IGF1R: variants seen among roughly 807,000 people sequenced by gnomAD.
IGF1R encodes insulin-like growth factor 1 receptor.
A neutral mutation model predicts 144.6 loss-of-function variants in IGF1R; 44 were observed. That is an observed-to-expected ratio of 0.30 (90% confidence interval 0.24 to 0.39). The LOEUF is 0.39. Among genes scored for constraint, IGF1R ranks in the 10% least tolerant of loss-of-function variants. IGF1R has a pLI of 1.00. For missense variants in IGF1R, 1,355 were observed against 1,833.7 expected (o/e 0.74, Z 4.77); for synonymous variants, 795 against 722.8 (o/e 1.10, Z -1.60).
At chr15:98,817,666 T>C (rs1189715807) in intron 2 of IGF1R, among the ~76,000 whole-genome samples, 1 of 152,098 alleles carries the variant, frequency 6.6e-6, no homozygotes, top group African/African-American at 2.4e-5. Flanking sequence ...CTGAGAGTGA[T>C]TGTCAGCTCA....
chr15:98,835,865 G>A (rs2684772), intron 2 of IGF1R, among the ~76,000 whole-genome samples: 17,073 of 152,176 alleles, frequency 0.11, 2,182 homozygotes, highest in African/African-American at 0.31. Flanking sequence ...TTTGTTTTGG[G>A]CTCTAGCCAG....
chr15:98,778,754 G>A (rs1010181309), intron 2 of IGF1R, among the ~76,000 whole-genome samples: 1 of 152,226 alleles, frequency 6.6e-6, no homozygotes, highest in South Asian at 2.1e-4. Flanking sequence ...TGTCAGCCTG[G>A]TAGTGGTGCT....
At chr15:98,824,894 T>C (rs1473194950) in intron 2 of IGF1R, among the ~76,000 whole-genome samples, 1 of 152,078 alleles carries the variant, frequency 6.6e-6, no homozygotes, top group Non-Finnish European at 1.5e-5. Context: ...TGGAGTGTAC[T>C]GGCACAATCT....
In IGF1R at chr15:98,649,506, C is replaced by T. The variant is rs1383096551; in HGVS notation, c.-76C>T. The T allele has an allele frequency of 7.1e-5, 73 of 1,026,524 alleles. No individual in the cohort carries two copies. The Middle Eastern group carries it at 2.2e-3, about 31-fold the overall frequency. The allele number at this position is 1,026,524 out of a possible 1,614,324, so 63.6% of individuals were successfully genotyped here. On this transcript the variant is annotated 5_prime_UTR_variant, in exon 1 of 21. Coordinates refer to ENST00000650285, the MANE Select transcript of IGF1R (RefSeq NM_000875.5). ...GTTTGAGACTTGTTTCCTTTCATTT[C>T]CTTTTTTTCTTTTCTTTTCTTTTTT...
In IGF1R at chr15:98,694,041, T is replaced by G. The variant is rs542668878; in HGVS notation, c.95-13521T>G. ...GCTGCTTGGCAGCACCTGCCTCGTTTCTGGTGACCATTTGGAAATGTGTCC... is the reference window on the plus strand; with the variant it reads ...GCTGCTTGGCAGCACCTGCCTCGTTGCTGGTGACCATTTGGAAATGTGTCC... On this transcript the variant is annotated intron_variant, in intron 1 of 20. Transcript: ENST00000650285. Among the ~76,000 whole-genome samples, 9 of 152,368 alleles carry G rather than the reference T, an allele frequency of 5.9e-5. No individual in the cohort carries two copies. In the East Asian group the frequency reaches 1.5e-3, roughly 26 times the overall value.
At position 98,787,292 on chromosome 15, in the gene IGF1R, A is replaced by G. The variant is rs372660118; in HGVS notation, c.640+79185A>G. Among the ~76,000 whole-genome samples the G allele has an allele frequency of 2.3e-3, 356 of 152,346 alleles. 1 individual carries two copies. The highest frequency in any genetic ancestry group is 8.2e-3 in the African/African-American group (341 of 41,588). On this transcript the variant is annotated intron_variant, in intron 2 of 20. Coordinates refer to ENST00000650285, the MANE Select transcript of IGF1R (RefSeq NM_000875.5). ...GCCAACCTGACTTTTGTTCATGACT[A>G]TATTAGGGGCATGGATAGAAAGTGC...
At chr15:98,697,695 A>G (rs1357673189) in intron 1 of IGF1R, among the ~76,000 whole-genome samples, 1 of 79,710 alleles carries the variant, frequency 1.3e-5, no homozygotes, top group Non-Finnish European at 2.4e-5. Context: ...CTTTCCCTCT[A>G]TACTTAAATT....
In IGF1R at chr15:98,823,180, A is replaced by G. The variant is rs79826452; in HGVS notation, c.641-68145A>G. ...AAACACAAAGGACATTTGACACTTC[A>G]TGACTACATAAGATGTGCTGTTCCT... On this transcript the variant is annotated intron_variant, in intron 2 of 20. Coordinates refer to ENST00000650285, the MANE Select transcript of IGF1R (RefSeq NM_000875.5). Among the ~76,000 whole-genome samples, 789 of 152,358 alleles carry G rather than the reference A, an allele frequency of 5.2e-3. 59 individuals carry two copies. In the East Asian group the frequency reaches 0.13, roughly 26 times the overall value.
intron 2 of IGF1R, among the ~76,000 whole-genome samples, chr15:98,765,707 A>G (rs996322841): frequency 5.9e-5 from 9 of 152,108 alleles, no homozygotes; most frequent in African/African-American, 1.9e-4. Flanking sequence ...AAAATATTCA[A>G]AACTTACCAG....
chr15:98,826,746 ATTACCTACT>A (rs1385296957), intron 2 of IGF1R, among the ~76,000 whole-genome samples: 1 of 152,228 alleles, frequency 6.6e-6, no homozygotes, highest in Non-Finnish European at 1.5e-5. Context: ...TTACTGTAAC[ATTACCTACT>A]TTAGCTCTGT....
intron 10 of IGF1R, among the ~76,000 whole-genome samples, chr15:98,917,574 G>C (rs2015308846): frequency 6.6e-6 from 1 of 152,192 alleles, no homozygotes; most frequent in African/African-American, 2.4e-5. Flanking sequence ...GCCAAATCTG[G>C]AAACCCAGTG....
intron 5 of IGF1R, among the ~76,000 whole-genome samples, chr15:98,906,327 C>G (rs28633745): frequency 0.023 from 3,503 of 151,716 alleles, 143 homozygotes; most frequent in African/African-American, 0.081. Flanking sequence ...ATTAATTGGT[C>G]CTTACCGGCA....
intron 2 of IGF1R, among the ~76,000 whole-genome samples, chr15:98,753,856 G>C (rs2055083178): frequency 6.6e-6 from 1 of 152,152 alleles, no homozygotes; most frequent in African/African-American, 2.4e-5. Flanking sequence ...TTCTATAACA[G>C]AGAAAGGATA....
At position 98,963,814 on chromosome 15, in the gene IGF1R, CTA is replaced by C. The variant is rs1285292933; in HGVS notation, c.*6375_*6376del. On this transcript the variant is annotated 3_prime_UTR_variant, in exon 21 of 21. Coordinates refer to ENST00000650285, the MANE Select transcript of IGF1R (RefSeq NM_000875.5). The stretch of plus-strand genomic sequence containing the variant: ...TACAGAAAAGAATTTTTAATAAAAA[CTA>C]TAACATACACAAAAATTGGTTTTAA... 2 of 232,844 alleles carry C rather than the reference CTA, an allele frequency of 8.6e-6. No individual in the cohort carries two copies. Among genetic ancestry groups the C allele is most frequent in the Non-Finnish European group, 1.7e-5 (2 of 117,856 alleles). 14.4% of individuals were successfully genotyped at this position (232,844 alleles called of 1,614,324 possible).
chr15:98,669,375 T>A lies in IGF1R; in HGVS notation c.94+19700T>A, dbSNP rs142535519. 7.1e-3 allele frequency among the ~76,000 whole-genome samples: 1,078 copies of A among 152,334 alleles called. 18 individuals are homozygous for A. The highest frequency in any genetic ancestry group is 0.025 in the African/African-American group (1,029 of 41,574). ...ATGAACTCCACCCCAATTACCTGTT[T>A]GAATTTTGCATGCCAGTTATTTTCA... On this transcript the variant is annotated intron_variant, in intron 1 of 20. Coordinates refer to ENST00000650285, the MANE Select transcript of IGF1R (RefSeq NM_000875.5).
chr15:98,849,930 A>G (rs925301120), intron 2 of IGF1R, among the ~76,000 whole-genome samples: 3 of 152,344 alleles, frequency 2.0e-5, no homozygotes, highest in Admixed American at 2.0e-4. Flanking sequence ...AAACAACCCC[A>G]CATGGCTGGG....
At chr15:98,806,869 T>G (rs2056483106) in intron 2 of IGF1R, among the ~76,000 whole-genome samples, 1 of 151,938 alleles carries the variant, frequency 6.6e-6, no homozygotes, top group Admixed American at 6.6e-5. Flanking sequence ...GTCATGAAAA[T>G]TGGAGAATTG....
intron 2 of IGF1R, among the ~76,000 whole-genome samples, chr15:98,754,349 A>G (rs1202827528): frequency 6.6e-6 from 1 of 152,060 alleles, no homozygotes. Context: ...TCCTTTTCTC[A>G]TTGTCCAAAA....
At chr15:98,884,498 TC>T (rs386787147) in intron 2 of IGF1R, among the ~76,000 whole-genome samples, 370 of 151,950 alleles carry the variant, frequency 2.4e-3, no homozygotes, top group African/African-American at 8.4e-3. Context: ...ATTGAGACCA[TC>T]CTGGGTAACA....
Sources: allele counts gnomAD v4.1 joint callset (sites outside exome capture counted in the v4.1 genomes callset), GRCh38; gene constraint gnomAD v4.1.1; transcripts MANE v1.5; gene names NCBI Gene and HGNC (gene_info 2026-07-23, HGNC 2026-07-21).